ZNF644: variants seen among roughly 807,000 people sequenced by gnomAD.
The protein encoded by ZNF644 is zinc finger protein 644.
In ZNF644, 20 loss-of-function variants were observed where a neutral mutation model predicts 108.0. That is an observed-to-expected ratio of 0.19 (90% confidence interval 0.13 to 0.27). The LOEUF is 0.27. Among genes scored for constraint, ZNF644 ranks in the 10% least tolerant of loss-of-function variants. The probability of loss-of-function intolerance (pLI) is 1.00; values close to 1 mark genes in which losing one functional copy is unlikely to be tolerated. For synonymous variants in ZNF644, 542 were observed against 539.1 expected, an observed-to-expected ratio of 1.01 and a Z score of -0.08; for missense variants, 1,338 against 1,548.9, an observed-to-expected ratio of 0.86 and a Z score of 2.29.
intron 4 of ZNF644, among the ~76,000 whole-genome samples, chr1:90,935,142 G>A (rs1443255987): frequency 6.6e-6 from 1 of 151,996 alleles, no homozygotes; most frequent in East Asian, 1.9e-4. Context: ...AAAAATAAAT[G>A]GGATTAAGGT....
chr1:91,004,360 A>C (rs1659204092), intron 1 of ZNF644, among the ~76,000 whole-genome samples: 1 of 152,198 alleles, frequency 6.6e-6, no homozygotes, highest in Non-Finnish European at 1.5e-5. Context: ...AACATTAACA[A>C]CTAATTTTTC....
chr1:90,938,311 T>C lies in ZNF644; in HGVS notation c.3043A>G (p.Arg1015Gly), dbSNP rs1651567342. Reference protein sequence around the residue: ...ATSDKMQHFKRTGTGTPVKRV... With the variant: ...ATSDKMQHFKGTGTGTPVKRV... Reference sequence around the variant, plus strand: ...TTAACAGGTGTTCCTGTGCCAGTTCTTTTGAAATGCTGCATTTTGTCACTT... The same window carrying C: ...TTAACAGGTGTTCCTGTGCCAGTTCCTTTGAAATGCTGCATTTTGTCACTT... The change falls in exon 3 of 6, where the codon AGA becomes GGA. Residue 1015 changes from arginine to glycine, a missense_variant. Physicochemically the swap from Arg to Gly is moderately radical, Grantham distance 125. Around this residue, in one of 6 missense-constraint regions of ZNF644, gnomAD observed 287 missense variants for 310.9 expected, o/e 0.92. Transcript: ENST00000337393. This position sits in a 1 kb window ranked among gnomAD's most constrained non-coding sequence, Gnocchi z 4.2. 6.2e-7 allele frequency: 1 copy of C among 1,613,926 alleles called. No individual in the cohort carries two copies. The highest frequency in any genetic ancestry group is 1.1e-5 in the South Asian group (1 of 91,080).
chr1:90,931,621 G>C (rs74655862), intron 4 of ZNF644, among the ~76,000 whole-genome samples: 1,743 of 152,114 alleles, frequency 0.011, 19 homozygotes, highest in Middle Eastern at 0.031. Context: ...GGACAGTTCT[G>C]GGCAAAACTT....
chr1:90,999,538 C>T (rs188344110), intron 1 of ZNF644, among the ~76,000 whole-genome samples: 1 of 152,248 alleles, frequency 6.6e-6, no homozygotes, highest in African/African-American at 2.4e-5. Flanking sequence ...CTGAAGGAAG[C>T]ACTAAACATG....
rs1651634038 is a variant in ZNF644, at chr1:90,938,861, A to G, written c.2493T>C (p.Asp831=). 6.2e-7 allele frequency: 1 copy of G among 1,613,950 alleles called. No homozygotes were observed. Among genetic ancestry groups the G allele is most frequent in the Non-Finnish European group, 8.5e-7 (1 of 1,179,944 alleles). Residue 831 remains aspartate, a synonymous_variant, in exon 3 of 6, where the codon GAT becomes GAC. Coordinates refer to ENST00000337393, the MANE Select transcript of ZNF644 (RefSeq NM_201269.3). The surrounding 1 kb of genome is among the most constrained non-coding windows in gnomAD (Gnocchi z 4.2). ...CGACAACAGTCATTTTATGCAAAAAATCTGGATAGCTATCCAAGTCTTCCC... is the reference window on the plus strand; with the variant it reads ...CGACAACAGTCATTTTATGCAAAAAGTCTGGATAGCTATCCAAGTCTTCCC... ...VGGEDLDSYP[D]FLHKMTVVVL...
At chr1:90,955,751 A>AC (rs1488861822) in intron 2 of ZNF644, among the ~76,000 whole-genome samples, 1 of 152,230 alleles carries the variant, frequency 6.6e-6, no homozygotes, top group Non-Finnish European at 1.5e-5. Flanking sequence ...CAGACCATTC[A>AC]AACTTTCTCC....
chr1:90,916,870 C>G lies in ZNF644; in HGVS notation c.3912G>C (p.Thr1304=). 6.2e-7 allele frequency: 1 copy of G among 1,614,132 alleles called. No individual in the cohort carries two copies. The highest frequency in any genetic ancestry group is 1.1e-5 in the South Asian group (1 of 91,088). ...PRTGAGMVEV[T]SLLKKPASIT... The stretch of plus-strand genomic sequence containing the variant: ...TGGAGGCAGGCTTTTTAAGTAGTGA[C>G]GTGACTTCCACCATGCCAGCTCCAG... Residue 1304 remains threonine (T), a synonymous_variant, in exon 6 of 6, where the codon ACG becomes ACC. Transcript: ENST00000337393.
chr1:90,997,969 C>T (rs926205294), intron 1 of ZNF644, among the ~76,000 whole-genome samples: 2 of 152,152 alleles, frequency 1.3e-5, no homozygotes, highest in Admixed American at 6.5e-5. Context: ...AGTCTGAGAT[C>T]GAACTGCAAG....
At chr1:90,949,515 C>A (rs985415700) in intron 2 of ZNF644, among the ~76,000 whole-genome samples, 9 of 152,076 alleles carry the variant, frequency 5.9e-5, no homozygotes, top group African/African-American at 1.7e-4. Flanking sequence ...TTCTCTCTCA[C>A]ATTATTGTCT....
At chr1:91,001,705 G>A in intron 1 of ZNF644, among the ~76,000 whole-genome samples, 1 of 152,166 alleles carries the variant, frequency 6.6e-6, no homozygotes, top group East Asian at 1.9e-4. Flanking sequence ...GCAGGAGAAA[G>A]AAATAAGGGG....
intron 1 of ZNF644, among the ~76,000 whole-genome samples, chr1:91,003,804 G>A (rs1433196128): frequency 6.6e-6 from 1 of 151,990 alleles, no homozygotes; most frequent in East Asian, 1.9e-4. Flanking sequence ...ACAAGACAAT[G>A]TTTTAAAATC....
intron 4 of ZNF644, chr1:90,935,441 G>A: frequency 1.0e-6 from 1 of 985,796 alleles, no homozygotes; most frequent in Non-Finnish European, 1.2e-6. Context: ...CTCTTCTTTC[G>A]TGCATAAGCG....
chr1:91,017,177 A>G, intron 1 of ZNF644, among the ~76,000 whole-genome samples: 1 of 152,202 alleles, frequency 6.6e-6, no homozygotes, highest in East Asian at 1.9e-4. Context: ...TAAAAAAAAG[A>G]TACACATACC....
At chr1:90,927,163 A>G (rs1365562406) in intron 4 of ZNF644, among the ~76,000 whole-genome samples, 1 of 151,744 alleles carries the variant, frequency 6.6e-6, no homozygotes, top group East Asian at 1.9e-4. Context: ...TTCCTAGTCT[A>G]GCTGAAAGTG....
intron 4 of ZNF644, among the ~76,000 whole-genome samples, chr1:90,936,302 A>G (rs932571734): frequency 6.6e-6 from 1 of 152,162 alleles, no homozygotes; most frequent in African/African-American, 2.4e-5. Context: ...TATGCTTTCC[A>G]TCTCTGAAGT....
intron 1 of ZNF644, among the ~76,000 whole-genome samples, chr1:91,009,405 C>T (rs1398575046): frequency 6.6e-6 from 1 of 151,970 alleles, no homozygotes; most frequent in Non-Finnish European, 1.5e-5. Flanking sequence ...ATGACCTTTA[C>T]CCATAATAAA....
intron 2 of ZNF644, among the ~76,000 whole-genome samples, chr1:90,957,089 A>G (rs1653826980): frequency 1.3e-5 from 2 of 152,188 alleles, no homozygotes; most frequent in South Asian, 4.1e-4. Context: ...GAAATTACCA[A>G]AATGAAGTCA....
chr1:90,982,604 GA>G (rs1656667798), intron 1 of ZNF644, among the ~76,000 whole-genome samples: 2 of 151,742 alleles, frequency 1.3e-5, no homozygotes, highest in South Asian at 4.2e-4. Flanking sequence ...ATTCAAATGA[GA>G]AATTGAAACT....
At chr1:90,971,162 A>C (rs781206420) in intron 2 of ZNF644, among the ~76,000 whole-genome samples, 40 of 152,030 alleles carry the variant, frequency 2.6e-4, no homozygotes, top group Non-Finnish European at 4.4e-4. Flanking sequence ...ATTAAACAGC[A>C]CATTAAAAGT....
Sources: allele counts gnomAD v4.1 joint callset (sites outside exome capture counted in the v4.1 genomes callset), GRCh38; gene constraint gnomAD v4.1.1; regional missense constraint gnomAD v4.1.1; non-coding constraint Gnocchi (gnomAD v3.1); transcripts MANE v1.5; gene names NCBI Gene and HGNC (gene_info 2026-07-23, HGNC 2026-07-21).